The following PLD5 variants were observed in gnomAD, a reference collection of about 807,000 sequenced individuals.
The protein encoded by PLD5 is phospholipase D family member 5.
Under a neutral mutation model 61.1 loss-of-function variants are expected in PLD5, and 36 were observed. The observed-to-expected ratio is 0.59, with a 90% CI of 0.45 to 0.78. The LOEUF is 0.78. Among genes scored for constraint, PLD5 ranks in the 30% least tolerant of loss-of-function variants. The probability of loss-of-function intolerance (pLI) is 0.00; values close to 1 mark genes in which losing one functional copy is unlikely to be tolerated. For missense variants in PLD5, 515 were observed against 644.4 expected (o/e 0.80, Z 2.17); for synonymous variants, 243 against 242.8 (o/e 1.00, Z -0.01).
intron 1 of PLD5, among the ~76,000 whole-genome samples, chr1:242,439,102 G>A (rs1259634946): frequency 3.9e-5 from 6 of 152,026 alleles, no homozygotes; most frequent in Admixed American, 1.3e-4. Context: ...CTGGCATAGC[G>A]CTTAAGAGCT....
At chr1:242,321,209 C>T (rs1054459204) in intron 2 of PLD5, among the ~76,000 whole-genome samples, 10 of 150,104 alleles carry the variant, frequency 6.7e-5, no homozygotes, top group African/African-American at 2.5e-4. Context: ...TCCCCTTGAC[C>T]CATTCTAAAA....
intron 1 of PLD5, among the ~76,000 whole-genome samples, chr1:242,358,537 GCT>G (rs892003229): frequency 6.6e-6 from 1 of 151,770 alleles, no homozygotes; most frequent in African/African-American, 2.4e-5. Flanking sequence ...AGCTGGCTAT[GCT>G]CTGCTATCCA....
chr1:242,399,304 A>G (rs1050076712), intron 1 of PLD5, among the ~76,000 whole-genome samples: 1 of 152,212 alleles, frequency 6.6e-6, no homozygotes, highest in Non-Finnish European at 1.5e-5. Context: ...GAGAATTTAT[A>G]TAAAAACAAA....
chr1:242,085,125 T>C lies in PLD5; in HGVS notation c.*4729A>G, dbSNP rs1659393182. On this transcript the variant is annotated 3_prime_UTR_variant, in exon 10 of 10. Coordinates refer to ENST00000536534, the MANE Select transcript of PLD5 (RefSeq NM_001372062.1). ...ATAGATATGTCCAGGTACAAGTTTA[T>C]CCTATTTACATAAAGGAACATTAAA... is the stretch of plus-strand genomic sequence containing the variant. 6.6e-6 allele frequency: 1 copy of C among 152,198 alleles called. No individual in the cohort carries two copies. The allele number at this position is 152,198 out of a possible 1,614,324, so 9.4% of individuals were successfully genotyped here.
chr1:242,243,733 A>G (rs1450542415), intron 4 of PLD5, among the ~76,000 whole-genome samples: 1 of 152,186 alleles, frequency 6.6e-6, no homozygotes, highest in Non-Finnish European at 1.5e-5. Flanking sequence ...TCTGCTGCCC[A>G]TGAAATCAAA....
chr1:242,185,818 T>C (rs992072252), intron 5 of PLD5, among the ~76,000 whole-genome samples: 2 of 152,182 alleles, frequency 1.3e-5, no homozygotes, highest in Non-Finnish European at 2.9e-5. Flanking sequence ...TCTTTTACTA[T>C]ATTTTTTTTC....
chr1:242,436,831 C>A (rs1666017946), intron 1 of PLD5, among the ~76,000 whole-genome samples: 1 of 152,170 alleles, frequency 6.6e-6, no homozygotes, highest in Non-Finnish European at 1.5e-5. Context: ...CTACCCACTA[C>A]CACGTAAGCA....
At chr1:242,330,371 C>T (rs767070975) in intron 2 of PLD5, among the ~76,000 whole-genome samples, 4 of 152,156 alleles carry the variant, frequency 2.6e-5, no homozygotes, top group Non-Finnish European at 5.9e-5. Flanking sequence ...AACATTGAGC[C>T]TTTTCACATC....
chr1:242,337,630 T>G (rs1343073458), intron 2 of PLD5, among the ~76,000 whole-genome samples: 1 of 152,184 alleles, frequency 6.6e-6, no homozygotes, highest in Non-Finnish European at 1.5e-5. Flanking sequence ...AAACACCGTC[T>G]CAAATAAATA....
chr1:242,418,935 T>C (rs1664975691), intron 1 of PLD5, among the ~76,000 whole-genome samples: 1 of 152,248 alleles, frequency 6.6e-6, no homozygotes, highest in Admixed American at 6.5e-5. Flanking sequence ...CACTGTGATC[T>C]ACGTATTATC....
chr1:242,421,663 G>GT (rs1378745049), intron 1 of PLD5, among the ~76,000 whole-genome samples: 5 of 152,226 alleles, frequency 3.3e-5, no homozygotes, highest in African/African-American at 4.8e-5. Flanking sequence ...TCCATGGGAA[G>GT]TTTTTAGATG....
chr1:242,272,347 G>GA (rs577640979), intron 3 of PLD5, among the ~76,000 whole-genome samples: 1 of 152,002 alleles, frequency 6.6e-6, no homozygotes, highest in South Asian at 2.1e-4. Context: ...AGATCTAATA[G>GA]AAAACAAATG....
intron 1 of PLD5, among the ~76,000 whole-genome samples, chr1:242,396,673 CTTTT>C (rs1202041198): frequency 0.012 from 1,590 of 129,484 alleles, 13 homozygotes; most frequent in Admixed American, 0.031. Context: ...CTTTTCTTTT[CTTTT>C]TTTTTTTTTT....
chr1:242,236,972 A>G (rs902763826), intron 4 of PLD5, among the ~76,000 whole-genome samples: 1 of 152,244 alleles, frequency 6.6e-6, no homozygotes, highest in Admixed American at 6.5e-5. Context: ...CCAATTAAAA[A>G]TAAAAAAGAA....
intron 1 of PLD5, among the ~76,000 whole-genome samples, chr1:242,349,670 G>A (rs1427851589): frequency 6.6e-6 from 1 of 152,092 alleles, no homozygotes; most frequent in African/African-American, 2.4e-5. Flanking sequence ...CTCTCTAGGG[G>A]CTCATGGCTA....
At chr1:242,258,331 C>G (rs370708363) in intron 4 of PLD5, among the ~76,000 whole-genome samples, 2 of 152,290 alleles carry the variant, frequency 1.3e-5, no homozygotes, top group African/African-American at 4.8e-5. Flanking sequence ...TAAAGAAGCC[C>G]TGTTGCAAGA....
At chr1:242,168,367 C>T (rs1666476138) in intron 5 of PLD5, among the ~76,000 whole-genome samples, 1 of 152,218 alleles carries the variant, frequency 6.6e-6, no homozygotes. Context: ...AAGAACTCCA[C>T]TGCAGCCTAG....
intron 3 of PLD5, among the ~76,000 whole-genome samples, chr1:242,279,972 C>T (rs1440097599): frequency 3.3e-5 from 5 of 152,230 alleles, no homozygotes; most frequent in Middle Eastern, 6.8e-3. Flanking sequence ...CATAGAGAGT[C>T]GTGTCCACTA....
At chr1:242,226,630 G>A (rs1041632867) in intron 4 of PLD5, among the ~76,000 whole-genome samples, 3 of 152,206 alleles carry the variant, frequency 2.0e-5, no homozygotes, top group African/African-American at 7.2e-5. Context: ...TCAGGTCCCA[G>A]TTGGTCGTAC....
Sources: allele counts gnomAD v4.1 joint callset (sites outside exome capture counted in the v4.1 genomes callset), GRCh38; gene constraint gnomAD v4.1.1; transcripts MANE v1.5; gene names NCBI Gene and HGNC (gene_info 2026-07-23, HGNC 2026-07-21).